CEP72: variants seen among roughly 807,000 people sequenced by gnomAD.
CEP72 encodes centrosomal protein 72.
Under a neutral mutation model 65.7 loss-of-function variants are expected in CEP72, and 78 were observed. The ratio of observed to expected loss-of-function variants is 1.19; its 90% CI spans 0.99 to 1.43. The LOEUF is 1.43. Ranked by LOEUF, CEP72 falls within the 40% of genes most tolerant of loss-of-function variation. The probability of loss-of-function intolerance (pLI) is 0.00; values close to 1 mark genes in which losing one functional copy is unlikely to be tolerated. For synonymous variants in CEP72, 358 were observed against 351.7 expected, an observed-to-expected ratio of 1.02 and a Z score of -0.20; for missense variants, 914 against 832.9, an observed-to-expected ratio of 1.10 and a Z score of -1.20.
chr5:635,637 A>G, intron 6 of CEP72, 53 bp downstream of exon 6: 1 of 1,364,152 alleles, frequency 7.3e-7, no homozygotes, highest in South Asian at 1.2e-5. Flanking sequence ...AAAACCACAG[A>G]CTGAGTAATT....
chr5:612,983 T>C (rs774326383), intron 1 of CEP72, among the ~76,000 whole-genome samples: 1 of 152,260 alleles, frequency 6.6e-6, no homozygotes, highest in Admixed American at 6.5e-5. Context: ...TTTGAATGTT[T>C]CCTGGAATTT....
downstream of CEP72, among the ~76,000 whole-genome samples, chr5:659,068 A>G (rs1739477391): frequency 6.6e-6 from 1 of 152,076 alleles, no homozygotes; most frequent in African/African-American, 2.4e-5. Context: ...CACTTTTGCC[A>G]CTTTTGGATG....
chr5:620,371 G>C, intron 3 of CEP72, 110 bp downstream of exon 3: 1 of 961,968 alleles, frequency 1.0e-6, no homozygotes, highest in Non-Finnish European at 1.6e-6. Flanking sequence ...ATTCCTTCTG[G>C]AACGGGGAGT....
At chr5:625,086 G>C (rs1393974562) in intron 4 of CEP72, among the ~76,000 whole-genome samples, 1 of 152,152 alleles carries the variant, frequency 6.6e-6, no homozygotes, top group Non-Finnish European at 1.5e-5. Flanking sequence ...GGCCACCTTC[G>C]GAGACCGTGG....
At chr5:669,219 C>G (rs867431277), downstream of CEP72, among the ~76,000 whole-genome samples, 1 of 152,202 alleles carries the variant, frequency 6.6e-6, no homozygotes, top group Non-Finnish European at 1.5e-5. Context: ...AGGGCACATT[C>G]CAGACCCGCC....
At chr5:649,169 T>C (rs970239800) in intron 11 of CEP72, among the ~76,000 whole-genome samples, 13 of 78,124 alleles carry the variant, frequency 1.7e-4, no homozygotes, top group South Asian at 9.4e-4. Context: ...GACTGTGAGG[T>C]GTGGACTGTG....
chr5:643,239 G>A (rs1464947081), intron 9 of CEP72: 2 of 985,320 alleles, frequency 2.0e-6, no homozygotes, highest in East Asian at 1.1e-4. Context: ...GGAGCTCACA[G>A]CCCTGCCTTA....
downstream of CEP72, among the ~76,000 whole-genome samples, chr5:653,947 G>A (rs141749412): frequency 0.014 from 2,123 of 152,206 alleles, 20 homozygotes; most frequent in Non-Finnish European, 0.02. Flanking sequence ...AAAATGCTCT[G>A]TGCTAGCTCT....
In CEP72 at chr5:623,403, G is replaced by A. The variant is rs1456302953; in HGVS notation, c.404-1068G>A. ...TGGAAAGGCCCCGGTGGTGGAGGAG[G>A]CAGATAGCAAGGGCCTGCGTGTGGG... On this transcript the variant is annotated intron_variant, in intron 3 of 11. Coordinates refer to ENST00000264935, the MANE Select transcript of CEP72 (RefSeq NM_018140.4). The surrounding 1 kb of genome is among the most constrained non-coding windows in gnomAD (Gnocchi z 5.3). Among the ~76,000 whole-genome samples, 1 of 152,230 alleles carries A rather than the reference G, an allele frequency of 6.6e-6. No individual in the cohort carries two copies. Among genetic ancestry groups the A allele is most frequent in the African/African-American group, 2.4e-5 (1 of 41,468 alleles).
chr5:642,957 C>T lies in CEP72; in HGVS notation c.1540-1342C>T, dbSNP rs140029493. On this transcript the variant is annotated intron_variant, in intron 9 of 11. Transcript: ENST00000264935. ...TCCTGAGGCAAGGTGGCCCCACTTC[C>T]AGCTGCTGTGCCTGGCACGGCCTCT... The T allele has an allele frequency of 3.0e-6, 3 of 985,494 alleles. 1 individual carries two copies. Among genetic ancestry groups the T allele is most frequent in the South Asian group, 9.4e-5 (2 of 21,294 alleles). The allele number at this position is 985,494 out of a possible 1,614,324, so 61.0% of individuals were successfully genotyped here.
rs1580007454 is a variant in CEP72, at chr5:645,249, C to T, written c.1666+824C>T. Among the ~76,000 whole-genome samples the T allele has an allele frequency of 6.6e-6, 1 of 152,126 alleles. No individual in the cohort carries two copies. The highest frequency in any genetic ancestry group is 2.4e-5 in the African/African-American group (1 of 41,416). On this transcript the variant is annotated intron_variant, in intron 10 of 11. Transcript: ENST00000264935. The surrounding 1 kb of genome is among the most constrained non-coding windows in gnomAD (Gnocchi z 4.0). ...CAGCTGTGGATGAGGCCTGTGGCCG[C>T]TCTGTCTCCTTTGGGGCAGCGTCTC...
the CEP72 span, among the ~76,000 whole-genome samples, chr5:673,502 C>T: frequency 8.5e-5 from 13 of 152,078 alleles, no homozygotes; most frequent in African/African-American, 2.2e-4. Context: ...CCCCTCAGGC[C>T]GGAGTCCCAG....
chr5:612,477 A>AG, intron 1 of CEP72, 34 bp downstream of exon 1: 1 of 806,046 alleles, frequency 1.2e-6, no homozygotes, highest in African/African-American at 1.9e-5. Flanking sequence ...TGCAAGCGTG[A>AG]GGTGGCGGGG....
In CEP72 at chr5:640,533, G is replaced by GAGC. The variant is rs141221365; in HGVS notation, c.1482_1484dup (p.Gln494dup). On this transcript the variant is annotated inframe_insertion, in exon 9 of 12. Transcript: ENST00000264935. ...TAAGTCCCTGCAAAGCCGCCTTGCT[G>GAGC]AGCAGCAGCAGCAGCACGCCCGGGA... The GAGC allele has an allele frequency of 9.9e-6, 16 of 1,613,982 alleles. No homozygotes were observed. The highest frequency in any genetic ancestry group is 1.6e-4 in the Middle Eastern group (1 of 6,080).
At chr5:633,123 TA>T in intron 4 of CEP72, among the ~76,000 whole-genome samples, 1 of 80,060 alleles carries the variant, frequency 1.2e-5, no homozygotes, top group African/African-American at 8.4e-5. Context: ...TGCCGGGATT[TA>T]GACCAGTCCT....
chr5:658,995 C>T (rs187437087), downstream of CEP72, among the ~76,000 whole-genome samples: 1 of 152,330 alleles, frequency 6.6e-6, no homozygotes, highest in Admixed American at 6.5e-5. Flanking sequence ...TCCACCATCT[C>T]ATTAGTTTAA....
At position 653,100 on chromosome 5, in the gene CEP72, A is replaced by AT; in HGVS notation, c.1892dup (p.Met631IlefsTer57). ...GAGCTACCAGGAGCTCAAGAAGACC[A>AT]TGGCCCTGTTTCCACACAGCAGCGC... is the stretch of plus-strand genomic sequence containing the variant. On this transcript the variant is annotated frameshift_variant, in exon 12 of 12. Coordinates refer to ENST00000264935, the MANE Select transcript of CEP72 (RefSeq NM_018140.4). LOFTEE classifies it low-confidence loss of function (END_TRUNC). 6.2e-7 allele frequency: 1 copy of AT among 1,613,498 alleles called. No homozygotes were observed. Among genetic ancestry groups the AT allele is most frequent in the Non-Finnish European group, 8.5e-7 (1 of 1,179,986 alleles).
At chr5:667,676 C>T (rs183086006), downstream of CEP72, among the ~76,000 whole-genome samples, 48 of 151,916 alleles carry the variant, frequency 3.2e-4, no homozygotes, top group East Asian at 8.5e-3. Context: ...CTGAGATACA[C>T]AAAGGAACCT....
intron 3 of CEP72, chr5:665,419 T>A: frequency 1.3e-5 from 11 of 840,184 alleles, no homozygotes; most frequent in Non-Finnish European, 2.0e-5. Flanking sequence ...GCATAAACCC[T>A]GGGATTTATG....
Sources: gnomAD v4.1 joint callset for allele counts (sites outside exome capture counted in the v4.1 genomes callset) on GRCh38, gnomAD v4.1.1 for gene constraint, Gnocchi (gnomAD v3.1) non-coding constraint, MANE v1.5 for transcripts, NCBI Gene and HGNC (gene_info 2026-07-23, HGNC 2026-07-21) for gene names.